CLCN5: variants seen among roughly 807,000 people sequenced by gnomAD.
CLCN5 encodes the protein H(+)/Cl(-) exchange transporter 5.
In CLCN5, 17 loss-of-function variants were observed where a neutral mutation model predicts 54.0. That is an observed-to-expected ratio of 0.31 (90% CI 0.22 to 0.47). The LOEUF is 0.47. CLCN5 is among the 20% of genes least tolerant of loss of function. CLCN5 has a pLI of 1.00. For synonymous variants in CLCN5, 222 were observed against 233.0 expected (o/e 0.95, Z 0.43); for missense variants, 448 against 646.7 (o/e 0.69, Z 3.33).
chrX:50,007,121 G>T (rs781904533), intron 3 of CLCN5, among the ~76,000 whole-genome samples: 1 of 111,605 alleles, frequency 9.0e-6, no homozygotes, highest in Non-Finnish European at 1.9e-5. Context: ...GAGCTGTCTC[G>T]GCATTCTTCC....
At chrX:50,060,707 C>T (rs1248541974) in intron 4 of CLCN5, among the ~76,000 whole-genome samples, 2 of 112,213 alleles carry the variant, frequency 1.8e-5, no homozygotes, top group Admixed American at 9.3e-5. Context: ...GGGGGCAGGG[C>T]ACAGACAAAC....
chrX:50,055,884 C>T (rs73492010), intron 4 of CLCN5, among the ~76,000 whole-genome samples: 1,752 of 110,336 alleles, frequency 0.016, 33 homozygotes, highest in African/African-American at 0.054. Flanking sequence ...TATTTCAGTA[C>T]ACATCAGTCT....
chrX:50,016,615 C>T (rs1423771937), intron 3 of CLCN5, among the ~76,000 whole-genome samples: 1 of 107,894 alleles, frequency 9.3e-6, no homozygotes, highest in Non-Finnish European at 1.9e-5. Flanking sequence ...ATTAGAGTTC[C>T]CTCTTTGTGT....
At chrX:50,076,814 A>G (rs936205713) in intron 7 of CLCN5, among the ~76,000 whole-genome samples, 11 of 112,553 alleles carry the variant, frequency 9.8e-5, no homozygotes, top group Admixed American at 2.8e-4. Flanking sequence ...GATTACAGGC[A>G]TGAGCCACTG....
At chrX:50,066,011 G>A in intron 4 of CLCN5, among the ~76,000 whole-genome samples, 1 of 88,416 alleles carries the variant, frequency 1.1e-5, no homozygotes, top group East Asian at 3.9e-4. Context: ...GGGGACTGTG[G>A]TGGGGAGGGG....
At chrX:49,936,009 G>A (rs782334090) in intron 3 of CLCN5, among the ~76,000 whole-genome samples, 2 of 111,210 alleles carry the variant, frequency 1.8e-5, no homozygotes, top group African/African-American at 6.5e-5. Flanking sequence ...CATAGTATGT[G>A]CTCATTGAAT....
At position 50,094,881 on chromosome X, in the gene CLCN5, A is replaced by G. The variant is rs1350228685; in HGVS notation, c.*2662A>G. 8.9e-6 allele frequency: 1 copy of G among 112,573 alleles called. No individual in the cohort carries two copies. Among genetic ancestry groups the G allele is most frequent in the Middle Eastern group, 4.2e-3 (1 of 237 alleles). 9.3% of individuals were successfully genotyped at this position (112,573 alleles called of 1,213,427 possible). ...TAGAGCTCTCAACTGCTAGCTCAGC[A>G]CCTTGACATTTGAAGTTTCTTGTCT... is the stretch of plus-strand genomic sequence containing the variant. On this transcript the variant is annotated 3_prime_UTR_variant, in exon 15 of 15. Coordinates refer to ENST00000376091, the MANE Select transcript of CLCN5 (RefSeq NM_001127898.4).
intron 3 of CLCN5, among the ~76,000 whole-genome samples, chrX:49,977,360 G>A (rs1928528733): frequency 9.0e-6 from 1 of 111,610 alleles, no homozygotes; most frequent in Non-Finnish European, 1.9e-5. Flanking sequence ...GAATATATAT[G>A]TGTCAAGCAC....
intron 3 of CLCN5, among the ~76,000 whole-genome samples, chrX:49,972,051 A>G (rs1928240976): frequency 9.1e-6 from 1 of 109,361 alleles, no homozygotes; most frequent in Non-Finnish European, 1.9e-5. Flanking sequence ...CCCTTTACTC[A>G]GATTTCAGAT....
chrX:50,064,986 C>T (rs1347519825), intron 4 of CLCN5, among the ~76,000 whole-genome samples: 7 of 111,306 alleles, frequency 6.3e-5, no homozygotes, highest in African/African-American at 2.3e-4. Flanking sequence ...GGATCCCTTC[C>T]TTATGCCTTA....
At chrX:49,947,291 G>T (rs782655610) in intron 3 of CLCN5, among the ~76,000 whole-genome samples, 1 of 111,150 alleles carries the variant, frequency 9.0e-6, no homozygotes, top group South Asian at 3.9e-4. Flanking sequence ...TCATTGTGTG[G>T]GGCCTTCCAC....
Position 49,925,309 on chromosome X carries a change from G to A in CLCN5, c.11G>A (p.Trp4Ter). 1 of 1,209,565 alleles carries A rather than the reference G, an allele frequency of 8.3e-7. No individual in the cohort carries two copies. Among genetic ancestry groups the A allele is most frequent in the Non-Finnish European group, 1.1e-6 (1 of 893,781 alleles). The change falls in exon 3 of 15, where the codon TGG (tryptophan) becomes TAG (stop). Residue 4 changes from tryptophan (W) to a stop codon, truncating the protein, a stop_gained. Transcript: ENST00000376091. LOFTEE classifies it high-confidence loss of function. MAM[W>*]QGAMDNRGFQ... is the part of the protein sequence containing the mutation. ...GAAGATAGGATCAAGATGGCCATGT[G>A]GCAGGGTAAGAAATTAGCACTTATT...
intron 4 of CLCN5, among the ~76,000 whole-genome samples, chrX:50,051,767 G>A (rs1048061956): frequency 1.8e-5 from 2 of 111,458 alleles, no homozygotes; most frequent in Admixed American, 1.9e-4. Flanking sequence ...GGAGTGGGGT[G>A]GGGTGACTAT....
chrX:50,068,357 A>T (rs962204677), intron 4 of CLCN5, among the ~76,000 whole-genome samples: 4 of 111,180 alleles, frequency 3.6e-5, no homozygotes, highest in Non-Finnish European at 5.7e-5. Context: ...CACTGACATG[A>T]TAGGAAATGC....
At position 50,090,760 on chromosome X, in the gene CLCN5, C is replaced by A; in HGVS notation, c.2234C>A (p.Pro745His). 1 of 1,210,765 alleles carries A rather than the reference C, an allele frequency of 8.3e-7. No homozygotes were observed. The highest frequency in any genetic ancestry group is 3.0e-5 in the East Asian group (1 of 33,819). ...HSPPLPPYTPPTLKLRNILDL... is the reference protein window; with the variant it reads ...HSPPLPPYTPHTLKLRNILDL... ...CCTCCATTGCCACCATACACTCCACCCACTCTAAAGCTTCGGAACATCCTC... is the reference window on the plus strand; with the variant it reads ...CCTCCATTGCCACCATACACTCCACACACTCTAAAGCTTCGGAACATCCTC... Residue 745 changes from proline to histidine, a missense_variant, in exon 14 of 15, where the codon CCC becomes CAC. Pro to His is a moderately conservative substitution (Grantham distance 77, BLOSUM62 -2). This residue lies in a region of CLCN5 where 297 missense variants were observed against 470.4 expected (regional missense o/e 0.63). Transcript: ENST00000376091.
Position 50,097,365 on chromosome X carries a change from T to C in CLCN5, c.*5146T>C, listed in dbSNP as rs781881161. Reference sequence around the variant, plus strand: ...CACCCAAGAAAGAAAGTATATGACGTGTGGAGTTTGCATTTCTTGGATGGG... The same window carrying C: ...CACCCAAGAAAGAAAGTATATGACGCGTGGAGTTTGCATTTCTTGGATGGG... On this transcript the variant is annotated 3_prime_UTR_variant, in exon 15 of 15. Coordinates refer to ENST00000376091, the MANE Select transcript of CLCN5 (RefSeq NM_001127898.4). 1 of 111,904 alleles carries C rather than the reference T, an allele frequency of 8.9e-6. No individual in the cohort carries two copies. The highest frequency in any genetic ancestry group is 1.9e-5 in the Non-Finnish European group (1 of 53,198). The allele number at this position is 111,904 out of a possible 1,213,427, so 9.2% of individuals were successfully genotyped here. A position where few individuals can be genotyped will look rare whatever the true frequency, so the allele number is the denominator to read the frequency against.
chrX:49,925,142 G>T, intron 2 of CLCN5, 29 bp from the exon 3 acceptor site: 2 of 559,023 alleles, frequency 3.6e-6, no homozygotes, highest in Admixed American at 3.1e-5. Flanking sequence ...GTTTCTTTTA[G>T]GTATTCATTT....
intron 3 of CLCN5, among the ~76,000 whole-genome samples, chrX:49,988,025 A>G (rs1463316835): frequency 9.0e-6 from 1 of 111,128 alleles, no homozygotes; most frequent in Non-Finnish European, 1.9e-5. Flanking sequence ...AAACTCCTCC[A>G]TCCTCCAAAT....
intron 3 of CLCN5, among the ~76,000 whole-genome samples, chrX:49,938,497 C>T (rs1168454265): frequency 9.0e-6 from 1 of 111,523 alleles, no homozygotes. Flanking sequence ...TATCTACAAC[C>T]ATCTGATCTT....
Sources: allele counts gnomAD v4.1 joint callset (sites outside exome capture counted in the v4.1 genomes callset), GRCh38; gene constraint gnomAD v4.1.1; regional missense constraint gnomAD v4.1.1; transcripts MANE v1.5; gene names NCBI Gene and HGNC (gene_info 2026-07-23, HGNC 2026-07-21).